Variants in EVC2 observed in about 807,000 individuals in gnomAD.
EVC2 encodes limbin.
A neutral mutation model predicts 149.3 loss-of-function variants in EVC2; 148 were observed. The ratio of observed to expected loss-of-function variants is 0.99; its 90% confidence interval spans 0.87 to 1.14. The LOEUF (loss-of-function observed/expected upper bound fraction) is 1.14, where lower values mean the gene tolerates loss of function less well. Ranked by LOEUF, EVC2 falls within the 50% of genes most tolerant of loss-of-function variation. EVC2 has a pLI of 0.00. For synonymous variants in EVC2, 776 were observed against 649.9 expected (o/e 1.19, Z -2.95); for missense variants, 1,854 against 1,627.3 (o/e 1.14, Z -2.40).
the EVC2 span, among the ~76,000 whole-genome samples, chr4:5,533,706 A>G: frequency 6.6e-6 from 1 of 152,174 alleles, no homozygotes; most frequent in Non-Finnish European, 1.5e-5. Flanking sequence ...TGGAGTCCAT[A>G]TTGCCGCTAA....
intron 21 of EVC2, among the ~76,000 whole-genome samples, chr4:5,563,803 A>G (rs1258538267): frequency 6.6e-6 from 1 of 152,138 alleles, no homozygotes; most frequent in African/African-American, 2.4e-5. Flanking sequence ...GAGTACACCT[A>G]TGAGCCTCAC....
At position 5,633,826 on chromosome 4, in the gene EVC2, T is replaced by G. The variant is rs535414454; in HGVS notation, c.1471-1794A>C. Among the ~76,000 whole-genome samples, 3 of 152,378 alleles carry G rather than the reference T, an allele frequency of 2.0e-5. No individual in the cohort carries two copies. Among genetic ancestry groups the G allele is most frequent in the Non-Finnish European group, 4.4e-5 (3 of 68,038 alleles). On this transcript the variant is annotated intron_variant, in intron 10 of 21. Transcript: ENST00000344408. The surrounding 1 kb of genome is among the most constrained non-coding windows in gnomAD (Gnocchi z 4.4). ...TCTGGTTTCAGTAAATAGCATCACT[T>G]GCTCCCCAATTTCCCAAGTCACAGA...
chr4:5,650,642 G>GAGAC (rs1304638275), intron 9 of EVC2, among the ~76,000 whole-genome samples: 3 of 85,908 alleles, frequency 3.5e-5, no homozygotes, highest in African/African-American at 1.2e-4. Flanking sequence ...TATATATAGA[G>GAGAC]AGAGAGAGAG....
chr4:5,578,964 C>G (rs1711526549), intron 17 of EVC2, among the ~76,000 whole-genome samples: 1 of 152,126 alleles, frequency 6.6e-6, no homozygotes, highest in Non-Finnish European at 1.5e-5. Context: ...CAGAAGCATT[C>G]TAGGCAGAGA....
downstream of EVC2, among the ~76,000 whole-genome samples, chr4:5,558,476 A>T (rs1721880108): frequency 6.6e-6 from 1 of 152,190 alleles, no homozygotes; most frequent in Non-Finnish European, 1.5e-5. Flanking sequence ...TATCAAAATG[A>T]TTGTGTATCA....
intron 10 of EVC2, among the ~76,000 whole-genome samples, chr4:5,635,547 T>C (rs1303797103): frequency 6.6e-6 from 1 of 152,198 alleles, no homozygotes; most frequent in Admixed American, 6.5e-5. Flanking sequence ...AGCACAGGCC[T>C]GCATCAGGCT....
intron 1 of EVC2, among the ~76,000 whole-genome samples, chr4:5,706,171 T>G (rs1722118579): frequency 6.6e-6 from 1 of 151,756 alleles, no homozygotes; most frequent in East Asian, 1.9e-4. Flanking sequence ...CTAAATGACC[T>G]CCTTCCTCCA....
chr4:5,561,473 A>T (rs1258644711), downstream of EVC2, among the ~76,000 whole-genome samples: 1 of 152,190 alleles, frequency 6.6e-6, no homozygotes, highest in Non-Finnish European at 1.5e-5. Context: ...CTTTCTACCA[A>T]TGCAGTCATG....
At chr4:5,601,237 C>A (rs922176148) in intron 16 of EVC2, among the ~76,000 whole-genome samples, 1 of 151,980 alleles carries the variant, frequency 6.6e-6, no homozygotes, top group Non-Finnish European at 1.5e-5. Flanking sequence ...GACCACATAC[C>A]TGGGAAAGCC....
At position 5,569,169 on chromosome 4, in the gene EVC2, C is replaced by G. The variant is rs756095064; in HGVS notation, c.3361-529G>C. 1.3e-5 allele frequency among the ~76,000 whole-genome samples: 2 copies of G among 152,170 alleles called. No individual in the cohort carries two copies. The highest frequency in any genetic ancestry group is 1.3e-4 in the Admixed American group (2 of 15,286). ...TCCAAAGGTCACGTGCTGCGTGATT[C>G]CATGCATGTAACCACCTGGGCGTGA... On this transcript the variant is annotated intron_variant, in intron 19 of 21. Coordinates refer to ENST00000344408, the MANE Select transcript of EVC2 (RefSeq NM_147127.5). The surrounding 1 kb of genome is among the most constrained non-coding windows in gnomAD (Gnocchi z 4.8).
At chr4:5,650,891 A>C (rs915269424) in intron 9 of EVC2, among the ~76,000 whole-genome samples, 2 of 152,200 alleles carry the variant, frequency 1.3e-5, no homozygotes, top group African/African-American at 4.8e-5. Flanking sequence ...CACTTAGCCC[A>C]GTCTCTGGCA....
intron 1 of EVC2, among the ~76,000 whole-genome samples, chr4:5,703,117 C>T (rs1721932420): frequency 6.6e-6 from 1 of 152,188 alleles, no homozygotes; most frequent in African/African-American, 2.4e-5. Flanking sequence ...ATAGCAAAAC[C>T]AATTTTACCA....
intron 13 of EVC2, among the ~76,000 whole-genome samples, 194 bp from the exon 14 acceptor site, chr4:5,623,185 G>T (rs1049307451): frequency 6.6e-6 from 1 of 152,284 alleles, no homozygotes; most frequent in South Asian, 2.1e-4. Flanking sequence ...GCCCAGGCTG[G>T]AGTGCAATGG....
At position 5,673,999 on chromosome 4, in the gene EVC2, G is replaced by A. The variant is rs115724377; in HGVS notation, c.870+7261C>T. ...TTAAATCCCACCCACCCAACCCTTC[G>A]AAACACAGAAAATGCTTGATGAACA... On this transcript the variant is annotated intron_variant, in intron 7 of 21. Coordinates refer to ENST00000344408, the MANE Select transcript of EVC2 (RefSeq NM_147127.5). Among the ~76,000 whole-genome samples the A allele has an allele frequency of 8.0e-3, 816 of 102,262 alleles. 11 individuals are homozygous for A. Among genetic ancestry groups the A allele is most frequent in the African/African-American group, 0.028 (731 of 26,170 alleles). The allele number at this position is 102,262 out of a possible 152,430, so 67.1% of individuals were successfully genotyped here.
At chr4:5,594,344 T>G (rs1245923361) in intron 16 of EVC2, among the ~76,000 whole-genome samples, 2 of 152,056 alleles carry the variant, frequency 1.3e-5, no homozygotes, top group East Asian at 3.9e-4. Context: ...GACTGACACC[T>G]CACACGGCCG....
intron 21 of EVC2, among the ~76,000 whole-genome samples, chr4:5,543,539 T>A (rs1011234597): frequency 2.6e-5 from 4 of 151,868 alleles, no homozygotes; most frequent in African/African-American, 9.7e-5. Context: ...TTGGCAAAAA[T>A]ACATTACAAA....
chr4:5,692,704 A>G (rs890881189), intron 3 of EVC2, among the ~76,000 whole-genome samples: 31 of 150,768 alleles, frequency 2.1e-4, no homozygotes, highest in Non-Finnish European at 3.8e-4. Context: ...CGTCTCTACT[A>G]AAAATACAAA....
rs116241937 is a variant in EVC2, at chr4:5,585,024, C to T, written c.2830-174G>A. ...GCAACATCAGAAAAGGCTGTCCCTG[C>T]GTATGAAGACGCCAGGGGCTTGGGG... On this transcript the variant is annotated intron_variant, in intron 16 of 21. Transcript: ENST00000344408. Among the ~76,000 whole-genome samples, 2,102 of 152,252 alleles carry T rather than the reference C, an allele frequency of 0.014. 35 individuals carry two copies. Among genetic ancestry groups the T allele is most frequent in the African/African-American group, 0.047 (1,940 of 41,540 alleles).
chr4:5,559,002 GGAC>G (rs780851071), downstream of EVC2, among the ~76,000 whole-genome samples: 3 of 152,048 alleles, frequency 2.0e-5, no homozygotes, highest in Non-Finnish European at 4.4e-5. The surrounding 1 kb of genome is among the most constrained non-coding windows in gnomAD (Gnocchi z 5.0). Flanking sequence ...AGACCAGCCT[GGAC>G]AACATAGTGG....
Sources: allele counts gnomAD v4.1 joint callset (sites outside exome capture counted in the v4.1 genomes callset), GRCh38; gene constraint gnomAD v4.1.1; non-coding constraint Gnocchi (gnomAD v3.1); transcripts MANE v1.5; gene names NCBI Gene and HGNC (gene_info 2026-07-23, HGNC 2026-07-21).